Variants in ADAD1 observed in about 807,000 individuals in gnomAD.
ADAD1 encodes adenosine deaminase domain-containing protein 1.
A neutral mutation model predicts 66.8 loss-of-function variants in ADAD1; 46 were observed. The observed-to-expected ratio is 0.69, with a 90% CI of 0.54 to 0.88. The LOEUF (loss-of-function observed/expected upper bound fraction) is 0.88, where lower values mean the gene tolerates loss of function less well. ADAD1 is among the 40% of genes least tolerant of loss of function. ADAD1 has a pLI of 0.00. For missense variants in ADAD1, 617 were observed against 681.8 expected, an observed-to-expected ratio of 0.91 and a Z score of 1.06; for synonymous variants, 248 against 229.4, an observed-to-expected ratio of 1.08 and a Z score of -0.73.
chr4:122,382,605 GA>G (rs994028383), intron 4 of ADAD1, among the ~76,000 whole-genome samples: 1 of 152,134 alleles, frequency 6.6e-6, no homozygotes, highest in Non-Finnish European at 1.5e-5. Context: ...GTCCTGTAGA[GA>G]AGGAGTCTCA....
intron 5 of ADAD1, among the ~76,000 whole-genome samples, chr4:122,391,413 G>T (rs1795433230): frequency 6.6e-6 from 1 of 152,212 alleles, no homozygotes; most frequent in Non-Finnish European, 1.5e-5. Context: ...CTTCGCTGTG[G>T]AGAAACCCAC....
At chr4:122,401,985 A>G (rs537249669) in intron 7 of ADAD1, among the ~76,000 whole-genome samples, 2 of 151,916 alleles carry the variant, frequency 1.3e-5, no homozygotes, top group African/African-American at 2.4e-5. Flanking sequence ...GGCCATTTAC[A>G]TACAACATTA....
intron 6 of ADAD1, among the ~76,000 whole-genome samples, chr4:122,394,717 T>C (rs1415073446): frequency 6.6e-6 from 1 of 152,174 alleles, no homozygotes; most frequent in Non-Finnish European, 1.5e-5. Flanking sequence ...TTGTCTTTCC[T>C]TTCAGCTTCT....
At chr4:122,404,809 A>G (rs1294650679) in intron 7 of ADAD1, among the ~76,000 whole-genome samples, 8 of 152,044 alleles carry the variant, frequency 5.3e-5, no homozygotes, top group Admixed American at 5.2e-4. Flanking sequence ...AAATCTATAT[A>G]CTTTCCTGCA....
chr4:122,429,501 A>G lies in ADAD1; in HGVS notation c.1618-125A>G. Reference sequence around the variant, plus strand: ...TTTTTAGCTTCAAAAATATTAAAATATAGGAATTAAAAAAGACTTTGATTA... The same window carrying G: ...TTTTTAGCTTCAAAAATATTAAAATGTAGGAATTAAAAAAGACTTTGATTA... On this transcript the variant is annotated intron_variant, in intron 12 of 12. Coordinates refer to ENST00000296513, the MANE Select transcript of ADAD1 (RefSeq NM_139243.4). The G allele has an allele frequency of 5.3e-6, 3 of 566,592 alleles. No homozygotes were observed. In the East Asian group the frequency reaches 8.9e-5, roughly 17 times the overall value. The allele number at this position is 566,592 out of a possible 1,614,324, so 35.1% of individuals were successfully genotyped here. A position where few individuals can be genotyped will look rare whatever the true frequency, so the allele number is the denominator to read the frequency against.
chr4:122,408,170 G>A (rs181883965), intron 8 of ADAD1, 139 bp downstream of exon 8: 14 of 878,774 alleles, frequency 1.6e-5, no homozygotes, highest in East Asian at 1.2e-4. Context: ...CTAAGTCATC[G>A]GATTAATTCC....
intron 10 of ADAD1, among the ~76,000 whole-genome samples, chr4:122,413,647 G>A (rs1796573215): frequency 6.6e-6 from 1 of 151,844 alleles, no homozygotes; most frequent in South Asian, 2.1e-4. Flanking sequence ...CCTTCCTAGT[G>A]AAGAAATCCA....
intron 5 of ADAD1, among the ~76,000 whole-genome samples, chr4:122,389,036 G>T (rs2150540122): frequency 6.6e-6 from 1 of 152,154 alleles, no homozygotes; most frequent in East Asian, 1.9e-4. Context: ...CACTACTTTA[G>T]CTGTGTCCCA....
intron 2 of ADAD1, 25 bp downstream of exon 2, chr4:122,379,470 G>A (rs1794763847): frequency 6.5e-6 from 1 of 152,700 alleles, no homozygotes; most frequent in Non-Finnish European, 1.5e-5. Flanking sequence ...GAAGCAGGGC[G>A]CGGGGGCGCA....
chr4:122,393,067 T>C (rs1160090747), intron 5 of ADAD1, among the ~76,000 whole-genome samples: 3 of 151,306 alleles, frequency 2.0e-5, no homozygotes, highest in Non-Finnish European at 4.4e-5. Flanking sequence ...CCCTCAGGTT[T>C]AGTGGTTTTT....
chr4:122,396,918 A>G (rs145917330), intron 7 of ADAD1, among the ~76,000 whole-genome samples: 64 of 152,322 alleles, frequency 4.2e-4, no homozygotes, highest in African/African-American at 1.4e-3. Flanking sequence ...TAAATATACT[A>G]GTCGAAAGTC....
chr4:122,380,608 C>T (rs569802058), intron 3 of ADAD1: 1 of 291,666 alleles, frequency 3.4e-6, no homozygotes, highest in African/African-American at 2.2e-5. Context: ...CGGTGGAATC[C>T]AGTGAGAAAA....
intron 10 of ADAD1, among the ~76,000 whole-genome samples, chr4:122,413,287 A>G (rs1796555229): frequency 6.6e-6 from 1 of 152,156 alleles, no homozygotes. Flanking sequence ...TGCAGAAACA[A>G]ATTTTATGCT....
chr4:122,392,841 T>C (rs1360052871), intron 5 of ADAD1, among the ~76,000 whole-genome samples: 1 of 152,186 alleles, frequency 6.6e-6, no homozygotes, highest in Non-Finnish European at 1.5e-5. Flanking sequence ...ATCTAAACCA[T>C]ACTTAGTATT....
chr4:122,397,912 T>C (rs1267058815), intron 7 of ADAD1, among the ~76,000 whole-genome samples: 2 of 152,162 alleles, frequency 1.3e-5, no homozygotes, highest in African/African-American at 4.8e-5. Context: ...AAAGCTTGAG[T>C]GCAATCAGAT....
At chr4:122,396,708 T>G (rs1052084875) in intron 7 of ADAD1, among the ~76,000 whole-genome samples, 1 of 152,244 alleles carries the variant, frequency 6.6e-6, no homozygotes, top group Non-Finnish European at 1.5e-5. Flanking sequence ...ATATGGAATC[T>G]TATTCTTGTG....
intron 8 of ADAD1, among the ~76,000 whole-genome samples, chr4:122,410,080 G>A (rs573129993): frequency 6.6e-6 from 1 of 152,100 alleles, no homozygotes; most frequent in Non-Finnish European, 1.5e-5. Context: ...TTAAATCTCT[G>A]CATTCTCACT....
At chr4:122,406,098 G>A (rs960205278) in intron 7 of ADAD1, among the ~76,000 whole-genome samples, 1 of 152,192 alleles carries the variant, frequency 6.6e-6, no homozygotes, top group Non-Finnish European at 1.5e-5. Flanking sequence ...ATACACAGAA[G>A]TGGGATTGCT....
At chr4:122,422,415 G>A (rs1290321746) in intron 12 of ADAD1, among the ~76,000 whole-genome samples, 2 of 152,094 alleles carry the variant, frequency 1.3e-5, no homozygotes, top group African/African-American at 2.4e-5. Context: ...TTGAGCCACC[G>A]TGCCTGGCTG....
Sources: allele counts gnomAD v4.1 joint callset (sites outside exome capture counted in the v4.1 genomes callset), GRCh38; gene constraint gnomAD v4.1.1; transcripts MANE v1.5; gene names NCBI Gene and HGNC (gene_info 2026-07-23, HGNC 2026-07-21).